ZNF385B: variants seen among roughly 807,000 people sequenced by gnomAD.
The protein encoded by ZNF385B is zinc finger protein 533.
In ZNF385B, 23 loss-of-function variants were observed where a neutral mutation model predicts 39.2. The ratio of observed to expected loss-of-function variants is 0.59; its 90% CI spans 0.42 to 0.83. ZNF385B has a LOEUF of 0.83. Ranked by LOEUF, ZNF385B falls within the 40% of genes least tolerant of loss-of-function variation. ZNF385B has a pLI of 0.00. For synonymous variants in ZNF385B, 205 were observed against 222.6 expected, an observed-to-expected ratio of 0.92 and a Z score of 0.70; for missense variants, 552 against 598.9, an observed-to-expected ratio of 0.92 and a Z score of 0.82.
At chr2:179,617,561 C>A (rs1554101) in intron 3 of ZNF385B, among the ~76,000 whole-genome samples, 72,016 of 151,996 alleles carry the variant, frequency 0.47, 17,190 homozygotes, top group Middle Eastern at 0.55. Context: ...ATGAGAATCA[C>A]CTGGAAGGCT....
chr2:179,659,972 C>G (rs1221103814), intron 3 of ZNF385B: 1 of 152,552 alleles, frequency 6.6e-6, no homozygotes, highest in African/African-American at 2.4e-5. Context: ...CATTGCCCAG[C>G]ACTGTATGAA....
chr2:179,845,373 G>A (rs1262032437), intron 1 of ZNF385B, among the ~76,000 whole-genome samples: 1 of 152,156 alleles, frequency 6.6e-6, no homozygotes, highest in African/African-American at 2.4e-5. Flanking sequence ...TATAATGCCA[G>A]TCTAAAAAGA....
intron 3 of ZNF385B, among the ~76,000 whole-genome samples, chr2:179,704,445 T>C (rs1345281432): frequency 6.6e-6 from 1 of 152,186 alleles, no homozygotes; most frequent in Non-Finnish European, 1.5e-5. Flanking sequence ...ACAGGAAGCA[T>C]GTATGGCTTT....
intron 3 of ZNF385B, among the ~76,000 whole-genome samples, chr2:179,553,750 A>T (rs1052946488): frequency 2.0e-5 from 3 of 149,518 alleles, no homozygotes; most frequent in Admixed American, 6.7e-5. Context: ...AACAAAGCTT[A>T]AAGCGGTTCT....
At chr2:179,728,991 T>G (rs1331414103) in intron 3 of ZNF385B, among the ~76,000 whole-genome samples, 1 of 151,918 alleles carries the variant, frequency 6.6e-6, no homozygotes, top group African/African-American at 2.4e-5. Flanking sequence ...TGCTTTAGAG[T>G]ATTAGCCAAA....
chr2:179,617,177 G>A (rs1340286418), intron 3 of ZNF385B, among the ~76,000 whole-genome samples: 1 of 152,138 alleles, frequency 6.6e-6, no homozygotes, highest in Non-Finnish European at 1.5e-5. Flanking sequence ...TAATGATTCA[G>A]TTTCTGAAGC....
intron 3 of ZNF385B, among the ~76,000 whole-genome samples, chr2:179,757,741 G>A (rs1271938488): frequency 6.6e-6 from 1 of 152,190 alleles, no homozygotes; most frequent in African/African-American, 2.4e-5. Flanking sequence ...GAGGCTCCGT[G>A]GGCGTGGGAC....
At chr2:179,765,733 AT>A (rs1347804281) in intron 3 of ZNF385B, among the ~76,000 whole-genome samples, 3 of 152,094 alleles carry the variant, frequency 2.0e-5, no homozygotes, top group Non-Finnish European at 4.4e-5. Context: ...GAACACCAGG[AT>A]CTTACTGCCT....
intron 5 of ZNF385B, among the ~76,000 whole-genome samples, chr2:179,508,396 T>C (rs898162518): frequency 6.6e-6 from 1 of 152,168 alleles, no homozygotes; most frequent in African/African-American, 2.4e-5. Context: ...AAGAAATCCA[T>C]ACCAAGTAAA....
intron 3 of ZNF385B, among the ~76,000 whole-genome samples, chr2:179,582,523 G>A (rs1487845328): frequency 6.6e-6 from 1 of 152,026 alleles, no homozygotes; most frequent in African/African-American, 2.4e-5. Context: ...TTGAGTGTGC[G>A]CTCTCTTCCC....
At chr2:179,470,853 G>C (rs13429890) in intron 6 of ZNF385B, among the ~76,000 whole-genome samples, 8,343 of 122,264 alleles carry the variant, frequency 0.068, 247 homozygotes, top group Middle Eastern at 0.12. Flanking sequence ...TACAAACTTT[G>C]CTGTATGTCC....
intron 3 of ZNF385B, among the ~76,000 whole-genome samples, chr2:179,558,917 T>A (rs1395155651): frequency 6.6e-6 from 1 of 152,116 alleles, no homozygotes; most frequent in African/African-American, 2.4e-5. Context: ...GGGTGCCTGA[T>A]CTGGCCATGC....
At chr2:179,703,916 G>A (rs144612789) in intron 3 of ZNF385B, among the ~76,000 whole-genome samples, 3 of 152,310 alleles carry the variant, frequency 2.0e-5, no homozygotes, top group Non-Finnish European at 2.9e-5. Flanking sequence ...GTGTGGAGGT[G>A]TATTGAGAAA....
intron 1 of ZNF385B, among the ~76,000 whole-genome samples, chr2:179,785,187 C>G (rs1306835777): frequency 6.6e-6 from 1 of 151,950 alleles, no homozygotes; most frequent in Non-Finnish European, 1.5e-5. Context: ...TCTTAGAAGT[C>G]AGGCTAGTCA....
intron 1 of ZNF385B, chr2:179,814,655 TC>T: frequency 2.4e-6 from 1 of 410,792 alleles, no homozygotes; most frequent in Admixed American, 3.1e-5. Flanking sequence ...CAAAAACTAC[TC>T]CACCAAGTCC....
intron 3 of ZNF385B, among the ~76,000 whole-genome samples, chr2:179,657,871 A>G (rs74867603): frequency 0.01 from 1,583 of 152,314 alleles, 10 homozygotes; most frequent in Non-Finnish European, 0.014. Context: ...AGAAAGGACA[A>G]GTAGTTTTCG....
Position 179,768,096 on chromosome 2 carries a change from T to C in ZNF385B, c.298+1407A>G, listed in dbSNP as rs551541146. On this transcript the variant is annotated intron_variant, in intron 3 of 9. Coordinates refer to ENST00000410066, the MANE Select transcript of ZNF385B (RefSeq NM_152520.6). The stretch of plus-strand genomic sequence containing the variant: ...TCCTGAGTAGCTGGGATTACAGGTG[T>C]GTGCCACCACACCTGACTAAATTTT... Among the ~76,000 whole-genome samples the C allele has an allele frequency of 4.2e-4, 64 of 151,754 alleles. 1 individual carries two copies. The highest frequency in any genetic ancestry group is 3.9e-3 in the Admixed American group (59 of 15,264).
At chr2:179,503,193 A>T (rs2105737279) in intron 5 of ZNF385B, among the ~76,000 whole-genome samples, 1 of 152,298 alleles carries the variant, frequency 6.6e-6, no homozygotes, top group African/African-American at 2.4e-5. Flanking sequence ...TTTGTATCAT[A>T]TCTTTGTTTG....
intron 1 of ZNF385B, among the ~76,000 whole-genome samples, chr2:179,788,628 G>A (rs1705146493): frequency 6.6e-6 from 1 of 152,038 alleles, no homozygotes; most frequent in Admixed American, 6.6e-5. Context: ...AGAAGGTCAG[G>A]TATATAAAAG....
Sources: allele counts gnomAD v4.1 joint callset (sites outside exome capture counted in the v4.1 genomes callset), GRCh38; gene constraint gnomAD v4.1.1; transcripts MANE v1.5; gene names NCBI Gene and HGNC (gene_info 2026-07-23, HGNC 2026-07-21).